Variants in MYBPC2 observed in about 807,000 individuals in gnomAD.
The protein encoded by MYBPC2 is myosin binding protein C2, also known as myosin-binding protein C, fast-type.
Under a neutral mutation model 137.0 loss-of-function variants are expected in MYBPC2, and 122 were observed. The ratio of observed to expected loss-of-function variants is 0.89; its 90% CI spans 0.77 to 1.03. The LOEUF (loss-of-function observed/expected upper bound fraction) is 1.03, where lower values mean the gene tolerates loss of function less well. MYBPC2 is among the 50% of genes least tolerant of loss of function. The pLI is 0.00. For synonymous variants in MYBPC2, 626 were observed against 612.3 expected (o/e 1.02, Z -0.33); for missense variants, 1,500 against 1,534.4 (o/e 0.98, Z 0.37).
chr19:50,446,445 G>A (rs1179885195), intron 12 of MYBPC2, among the ~76,000 whole-genome samples: 8 of 151,634 alleles, frequency 5.3e-5, no homozygotes, highest in African/African-American at 9.7e-5. Flanking sequence ...CCCAGGAGGC[G>A]GAGGTTGCAA....
At position 50,465,207 on chromosome 19, in the gene MYBPC2, G is replaced by A. The variant is rs1197715510; in HGVS notation, c.3415+675G>A. Among the ~76,000 whole-genome samples, 2 of 152,044 alleles carry A rather than the reference G, an allele frequency of 1.3e-5. No individual in the cohort carries two copies. The highest frequency in any genetic ancestry group is 2.9e-5 in the Non-Finnish European group (2 of 67,996). On this transcript the variant is annotated intron_variant, in intron 27 of 27. Transcript: ENST00000357701. This position sits in a 1 kb window ranked among gnomAD's most constrained non-coding sequence, Gnocchi z 4.5. The stretch of plus-strand genomic sequence containing the variant: ...CAGCGCCCCTCCGCCTGGTGTTCAC[G>A]GTGGTGTGTCCACCCCGGTTCTTCC...
chr19:50,458,449 C>G (rs1386930738), intron 20 of MYBPC2, 138 bp from the exon 21 acceptor site: 6 of 1,018,922 alleles, frequency 5.9e-6, no homozygotes, highest in Non-Finnish European at 8.4e-6. Context: ...TTAACTAACT[C>G]CAGCTGCTGC....
intron 20 of MYBPC2, 89 bp from the exon 21 acceptor site, chr19:50,458,498 T>C: frequency 6.7e-7 from 1 of 1,496,818 alleles, no homozygotes; most frequent in Non-Finnish European, 8.9e-7. Context: ...GCTCACTCGC[T>C]CGCTGCGTGG....
At chr19:50,463,678 C>T (rs2039989675) in intron 26 of MYBPC2, among the ~76,000 whole-genome samples, 1 of 152,098 alleles carries the variant, frequency 6.6e-6, no homozygotes, top group African/African-American at 2.4e-5. Context: ...GTGGCTCACA[C>T]CTGTAATCCC....
Position 50,458,911 on chromosome 19 carries a change from C to T in MYBPC2, c.2507-7C>T, listed in dbSNP as rs759652696. 3 of 1,609,556 alleles carry T rather than the reference C, an allele frequency of 1.9e-6. No homozygotes were observed. The South Asian group carries it at 3.3e-5, about 18-fold the overall frequency. ...GCTGAGCCCCCTCCCTGTGTTTGCG[C>T]CCTCAGAGCCACCCAAGATCCGGCT... On this transcript the variant is annotated splice_polypyrimidine_tract_variant and splice_region_variant and intron_variant, in intron 21 of 27. Transcript: ENST00000357701.
intron 16 of MYBPC2, among the ~76,000 whole-genome samples, chr19:50,453,792 G>A (rs560059254): frequency 2.6e-5 from 4 of 151,792 alleles, no homozygotes; most frequent in Admixed American, 6.6e-5. Context: ...TACCCGCCTC[G>A]GCCTCCCAAA....
intron 16 of MYBPC2, among the ~76,000 whole-genome samples, chr19:50,452,452 C>CTATG (rs2039867592): frequency 1.3e-5 from 2 of 150,866 alleles, no homozygotes; most frequent in African/African-American, 4.9e-5. Flanking sequence ...ATCTGTCTAT[C>CTATG]TATCTATGTA....
chr19:50,440,672 AAAAACC>A (rs1480339259), intron 7 of MYBPC2, among the ~76,000 whole-genome samples: 1 of 151,204 alleles, frequency 6.6e-6, no homozygotes, highest in Non-Finnish European at 1.5e-5. Context: ...CAAAAAAAAA[AAAAACC>A]AAAAAACCCA....
intron 1 of MYBPC2, among the ~76,000 whole-genome samples, chr19:50,434,409 G>A (rs1388174437): frequency 6.6e-6 from 1 of 152,170 alleles, no homozygotes; most frequent in Non-Finnish European, 1.5e-5. Context: ...TTCTCTGTAG[G>A]ATATGGGGTG....
In MYBPC2 at chr19:50,442,137, G is replaced by A. The variant is rs773038455; in HGVS notation, c.770-44G>A. On this transcript the variant is annotated intron_variant, in intron 8 of 27. Coordinates refer to ENST00000357701, the MANE Select transcript of MYBPC2 (RefSeq NM_004533.4). The stretch of plus-strand genomic sequence containing the variant: ...TGCCTCTGGGGATGACCAGGGGAAT[G>A]AGGACCACACGCCTCCATCCCCTTT... The A allele has an allele frequency of 3.9e-6, 6 of 1,556,134 alleles. No individual in the cohort carries two copies. The African/African-American group carries it at 4.1e-5, about 11-fold the overall frequency.
At chr19:50,458,155 C>G (rs1382286454) in intron 20 of MYBPC2, among the ~76,000 whole-genome samples, 1 of 151,146 alleles carries the variant, frequency 6.6e-6, no homozygotes, top group Admixed American at 6.6e-5. Context: ...ATTAAAAATA[C>G]AAAAATTAGC....
Position 50,462,761 on chromosome 19 carries a change from G to T in MYBPC2, c.3228+725G>T, listed in dbSNP as rs373450025. Among the ~76,000 whole-genome samples, 308 of 151,570 alleles carry T rather than the reference G, an allele frequency of 2.0e-3. 2 individuals are homozygous for T. The highest frequency in any genetic ancestry group is 6.7e-3 in the African/African-American group (278 of 41,280). On this transcript the variant is annotated intron_variant, in intron 26 of 27. Coordinates refer to ENST00000357701, the MANE Select transcript of MYBPC2 (RefSeq NM_004533.4). ...CCAGCTAAATTTTGTATTTTTAGTA[G>T]AGACGGCGTTTTGCTGACCTCAGGT...
chr19:50,444,280 GTCCATCCATTCATCCATCCA>G (rs1191609501), intron 11 of MYBPC2, among the ~76,000 whole-genome samples: 2 of 130,718 alleles, frequency 1.5e-5, no homozygotes, highest in South Asian at 4.9e-4. Context: ...TTAACCATCT[GTCCATCCATTCATCCATCCA>G]TCCATCCATC....
chr19:50,458,374 TA>T (rs760945453), intron 20 of MYBPC2, among the ~76,000 whole-genome samples: 6,824 of 143,666 alleles, frequency 0.047, 204 homozygotes, highest in Middle Eastern at 0.069. Flanking sequence ...AGACTCCGTT[TA>T]AAAAAAAAAA....
chr19:50,462,106 C>T, intron 26 of MYBPC2, 70 bp downstream of exon 26: 4 of 1,486,116 alleles, frequency 2.7e-6, no homozygotes, highest in Non-Finnish European at 3.6e-6. Context: ...ATGAAGCCCA[C>T]TCCCCATCAC....
At position 50,435,884 on chromosome 19, in the gene MYBPC2, A is replaced by C; in HGVS notation, c.196+22A>C. ...ACTGGTGAGGGGAACCCGGGGGAGGAGGGGCTGCGGCCCGGACTCCTGGGT... is the reference window on the plus strand; with the variant it reads ...ACTGGTGAGGGGAACCCGGGGGAGGCGGGGCTGCGGCCCGGACTCCTGGGT... On this transcript the variant is annotated intron_variant, in intron 3 of 27. Coordinates refer to ENST00000357701, the MANE Select transcript of MYBPC2 (RefSeq NM_004533.4). The surrounding 1 kb of genome is among the most constrained non-coding windows in gnomAD (Gnocchi z 4.8). 6.4e-7 allele frequency: 1 copy of C among 1,567,670 alleles called. No homozygotes were observed. Among genetic ancestry groups the C allele is most frequent in the South Asian group, 1.2e-5 (1 of 85,478 alleles).
chr19:50,453,635 G>A (rs1278977002), intron 16 of MYBPC2, among the ~76,000 whole-genome samples: 1 of 151,964 alleles, frequency 6.6e-6, no homozygotes, highest in Non-Finnish European at 1.5e-5. Flanking sequence ...CCGCCTCCTG[G>A]GTTCAAGCGA....
intron 23 of MYBPC2, 37 bp downstream of exon 23, chr19:50,459,343 G>A: frequency 6.4e-7 from 1 of 1,561,094 alleles, no homozygotes; most frequent in Middle Eastern, 1.8e-4. Flanking sequence ...AGGCCGGGAG[G>A]GGCAGGGATG....
intron 7 of MYBPC2, 120 bp downstream of exon 7, chr19:50,437,838 T>G: frequency 8.8e-7 from 1 of 1,136,878 alleles, no homozygotes; most frequent in Non-Finnish European, 1.3e-6. Flanking sequence ...ACCACCTCCA[T>G]CTGTTCACTC....
Sources: allele counts gnomAD v4.1 joint callset (sites outside exome capture counted in the v4.1 genomes callset), GRCh38; gene constraint gnomAD v4.1.1; non-coding constraint Gnocchi (gnomAD v3.1); transcripts MANE v1.5; gene names NCBI Gene and HGNC (gene_info 2026-07-23, HGNC 2026-07-21).